GALK2: variants seen among roughly 807,000 people sequenced by gnomAD.
The protein encoded by GALK2 is galactokinase 2, also known as N-acetylgalactosamine kinase.
Under a neutral mutation model 52.4 loss-of-function variants are expected in GALK2, and 36 were observed. The ratio of observed to expected loss-of-function variants is 0.69; its 90% confidence interval spans 0.53 to 0.91. The LOEUF is 0.91. GALK2 is among the 40% of genes least tolerant of loss of function. The probability of loss-of-function intolerance (pLI) is 0.00; values close to 1 mark genes in which losing one functional copy is unlikely to be tolerated. For synonymous variants in GALK2, 176 were observed against 199.1 expected (o/e 0.88, Z 0.98); for missense variants, 579 against 559.1 (o/e 1.04, Z -0.36).
chr15:49,169,013 A>G (rs572218570), upstream of GALK2: 51 of 153,810 alleles, frequency 3.3e-4, 1 homozygote, highest in South Asian at 0.01. Context: ...ATTTACAGTA[A>G]TAACCCAACG....
At position 49,215,725 on chromosome 15, in the gene GALK2, AT is replaced by A. The variant is rs2089314318; in HGVS notation, c.143-1463del. On this transcript the variant is annotated intron_variant, in intron 2 of 9. Transcript: ENST00000560031. ...GGACATACATCTCCATCTTTCTGGG[AT>A]TGGTCACTGGTGTCTTCTGTAGTTC... is the stretch of plus-strand genomic sequence containing the variant. 3.3e-5 allele frequency among the ~76,000 whole-genome samples: 5 copies of A among 152,210 alleles called. No individual in the cohort carries two copies. The South Asian group carries it at 1.0e-3, about 32-fold the overall frequency.
At chr15:49,213,139 T>G (rs1361071045) in intron 2 of GALK2, among the ~76,000 whole-genome samples, 7 of 152,330 alleles carry the variant, frequency 4.6e-5, no homozygotes, top group African/African-American at 1.7e-4. Flanking sequence ...CTTTTTAGTT[T>G]TAATAATATT....
At chr15:49,266,857 T>A (rs921410421) in intron 5 of GALK2, among the ~76,000 whole-genome samples, 1 of 152,014 alleles carries the variant, frequency 6.6e-6, no homozygotes, top group Non-Finnish European at 1.5e-5. Flanking sequence ...GGAAAAAGAG[T>A]TCAGTGTCCC....
intron 3 of GALK2, among the ~76,000 whole-genome samples, chr15:49,357,120 C>G (rs200328598): frequency 0.022 from 3,279 of 150,872 alleles, 93 homozygotes; most frequent in South Asian, 0.076. Flanking sequence ...TAAATGCCCA[C>G]AAGAGAAGGC....
At chr15:49,175,583 A>G (rs1193667911) in intron 1 of GALK2, among the ~76,000 whole-genome samples, 1 of 152,192 alleles carries the variant, frequency 6.6e-6, no homozygotes, top group Non-Finnish European at 1.5e-5. Context: ...ATCCTTTATT[A>G]AATTAAGGAC....
intron 9 of GALK2, among the ~76,000 whole-genome samples, chr15:49,324,144 TAGAG>T (rs1010004320): frequency 6.6e-6 from 1 of 152,138 alleles, no homozygotes; most frequent in African/African-American, 2.4e-5. Context: ...TTGTTGAAGT[TAGAG>T]AGGATTAATT....
intron 1 of GALK2, chr15:49,170,585 GT>G: frequency 3.6e-6 from 2 of 556,708 alleles, no homozygotes; most frequent in Non-Finnish European, 3.2e-6. Context: ...AGGGTTGTAT[GT>G]TTTTTTCTTC....
At chr15:49,181,501 C>CTTTT (rs370757144) in intron 1 of GALK2, among the ~76,000 whole-genome samples, 5 of 113,626 alleles carry the variant, frequency 4.4e-5, no homozygotes, top group Non-Finnish European at 7.4e-5. Context: ...AAAAAAAAGA[C>CTTTT]TTTTTTTTTT....
At chr15:49,219,927 A>T (rs2089667967) in intron 3 of GALK2, among the ~76,000 whole-genome samples, 1 of 152,162 alleles carries the variant, frequency 6.6e-6, no homozygotes, top group African/African-American at 2.4e-5. Flanking sequence ...AGCATATTTC[A>T]AGTTTTTAAA....
chr15:49,311,834 C>T (rs929535215), intron 8 of GALK2, among the ~76,000 whole-genome samples: 4 of 152,220 alleles, frequency 2.6e-5, no homozygotes, highest in Admixed American at 6.5e-5. Context: ...GAAGTTAACC[C>T]TTCTAGGGGG....
chr15:49,240,929 G>A (rs2141511134), intron 5 of GALK2, among the ~76,000 whole-genome samples: 1 of 152,270 alleles, frequency 6.6e-6, no homozygotes, highest in East Asian at 1.9e-4. Context: ...CAGGGTTTTA[G>A]CAGTAGGGAG....
intron 1 of GALK2, 28 bp downstream of exon 1, chr15:49,170,403 G>A (rs2084986319): frequency 3.8e-6 from 6 of 1,567,516 alleles, no homozygotes; most frequent in Non-Finnish European, 5.2e-6. Flanking sequence ...CCGGGCTTTG[G>A]GATCTGCTGG....
chr15:49,351,027 A>C (rs1315039585), intron 3 of GALK2, among the ~76,000 whole-genome samples: 1 of 152,234 alleles, frequency 6.6e-6, no homozygotes. Flanking sequence ...TGGCCAGTGC[A>C]TAACCTACTC....
intron 1 of GALK2, among the ~76,000 whole-genome samples, chr15:49,193,541 C>T (rs1216263324): frequency 6.6e-6 from 1 of 151,810 alleles, no homozygotes; most frequent in Non-Finnish European, 1.5e-5. Context: ...GAAAACCTTT[C>T]CCTTAAGCCT....
intron 5 of GALK2, among the ~76,000 whole-genome samples, chr15:49,279,553 G>A (rs2032391965): frequency 1.3e-5 from 2 of 152,204 alleles, no homozygotes; most frequent in Non-Finnish European, 1.5e-5. Context: ...TTTTTCTCAT[G>A]TCTATAATGG....
At chr15:49,211,633 G>C (rs955544497) in intron 2 of GALK2, among the ~76,000 whole-genome samples, 8 of 152,162 alleles carry the variant, frequency 5.3e-5, no homozygotes, top group African/African-American at 1.9e-4. Context: ...TTTGCAGGCT[G>C]TACAGGAAGC....
At chr15:49,282,226 A>G (rs2032802130) in intron 6 of GALK2, 141 bp downstream of exon 6, 1 of 513,600 alleles carries the variant, frequency 1.9e-6, no homozygotes, top group Admixed American at 3.6e-5. Flanking sequence ...TTATTTCCCA[A>G]CTGCTTGTAA....
At chr15:49,281,398 A>G (rs980404594) in intron 5 of GALK2, among the ~76,000 whole-genome samples, 1 of 152,262 alleles carries the variant, frequency 6.6e-6, no homozygotes, top group Non-Finnish European at 1.5e-5. Flanking sequence ...CTTAATCAAT[A>G]GGAAGCCATT....
At position 49,210,867 on chromosome 15, in the gene GALK2, G is replaced by A. The variant is rs568285955; in HGVS notation, c.143-6323G>A. The stretch of plus-strand genomic sequence containing the variant: ...ACTCAAGTGATTCTTGTGCTTCAGC[G>A]TCCTGAGTAGCTGGGATTACAGGCA... On this transcript the variant is annotated intron_variant, in intron 2 of 9. Coordinates refer to ENST00000560031, the MANE Select transcript of GALK2 (RefSeq NM_002044.4). Among the ~76,000 whole-genome samples, 147 of 151,442 alleles carry A rather than the reference G, an allele frequency of 9.7e-4. 1 individual carries two copies. Among genetic ancestry groups the A allele is most frequent in the African/African-American group, 3.0e-3 (125 of 41,250 alleles).
Sources: gnomAD v4.1 joint callset for allele counts (sites outside exome capture counted in the v4.1 genomes callset) on GRCh38, gnomAD v4.1.1 for gene constraint, MANE v1.5 for transcripts, NCBI Gene and HGNC (gene_info 2026-07-23, HGNC 2026-07-21) for gene names.